Variants in PTPRT observed in about 807,000 individuals in gnomAD.
PTPRT encodes protein tyrosine phosphatase receptor type T.
Under a neutral mutation model 176.8 loss-of-function variants are expected in PTPRT, and 56 were observed. That is an observed-to-expected ratio of 0.32 (90% CI 0.26 to 0.40). The LOEUF is 0.40. PTPRT is among the 10% of genes least tolerant of loss of function. PTPRT has a pLI of 1.00. For synonymous variants in PTPRT, 783 were observed against 739.0 expected, an observed-to-expected ratio of 1.06 and a Z score of -0.96; for missense variants, 1,540 against 1,908.2, an observed-to-expected ratio of 0.81 and a Z score of 3.60.
chr20:42,958,972 ACTGT>A (rs2146035880), intron 1 of PTPRT, among the ~76,000 whole-genome samples: 1 of 152,334 alleles, frequency 6.6e-6, no homozygotes, highest in East Asian at 1.9e-4. Context: ...TAGTATTCCC[ACTGT>A]CTGTCTTAAA....
chr20:42,280,409 G>A (rs1254924777), intron 13 of PTPRT, among the ~76,000 whole-genome samples: 5 of 152,116 alleles, frequency 3.3e-5, no homozygotes, highest in African/African-American at 1.2e-4. Context: ...ATTCCCAAGT[G>A]CTACTGGAGC....
chr20:42,910,913 G>T (rs2079535524), intron 1 of PTPRT, among the ~76,000 whole-genome samples: 1 of 152,150 alleles, frequency 6.6e-6, no homozygotes, highest in Non-Finnish European at 1.5e-5. Flanking sequence ...GGAAGGCAAA[G>T]AGGAAACAAG....
At chr20:42,477,509 C>T (rs1158687639) in intron 7 of PTPRT, among the ~76,000 whole-genome samples, 1 of 152,148 alleles carries the variant, frequency 6.6e-6, no homozygotes, top group African/African-American at 2.4e-5. Context: ...CCTCATCTGC[C>T]AAACCCAGCT....
At chr20:42,108,100 G>GAATC (rs1356237374) in intron 23 of PTPRT, among the ~76,000 whole-genome samples, 16 of 152,098 alleles carry the variant, frequency 1.1e-4, no homozygotes, top group Non-Finnish European at 1.8e-4. Flanking sequence ...TTAGTATAAA[G>GAATC]AATCAGCCCA....
At chr20:42,302,434 T>C (rs1197870505) in intron 12 of PTPRT, among the ~76,000 whole-genome samples, 3 of 152,154 alleles carry the variant, frequency 2.0e-5, no homozygotes, top group African/African-American at 7.2e-5. Context: ...AGGTGCTTCC[T>C]TTGCAAAACA....
In PTPRT at chr20:42,641,413, A is replaced by C. The variant is rs1224315613; in HGVS notation, c.1153+36453T>G. 1.3e-5 allele frequency among the ~76,000 whole-genome samples: 2 copies of C among 152,158 alleles called. 1 individual carries two copies. Among genetic ancestry groups the C allele is most frequent in the Non-Finnish European group, 2.9e-5 (2 of 68,034 alleles). On this transcript the variant is annotated intron_variant, in intron 7 of 30. Transcript: ENST00000373187. The stretch of plus-strand genomic sequence containing the variant: ...ATATATTGAAGAATTATAGGTCTGC[A>C]AGAATTGTCTTTGATGGGGGCTTTA...
chr20:43,117,377 C>A (rs1422718887), intron 1 of PTPRT, among the ~76,000 whole-genome samples: 1 of 152,094 alleles, frequency 6.6e-6, no homozygotes, highest in Non-Finnish European at 1.5e-5. Flanking sequence ...AATGTTTATC[C>A]CATTCCATAA....
At chr20:42,633,564 G>A (rs1020269238) in intron 7 of PTPRT, among the ~76,000 whole-genome samples, 1 of 151,332 alleles carries the variant, frequency 6.6e-6, no homozygotes, top group African/African-American at 2.4e-5. Flanking sequence ...GGGAGGCTGA[G>A]GCAGGAAGAT....
chr20:42,954,548 G>A (rs1981495255), intron 1 of PTPRT, among the ~76,000 whole-genome samples: 1 of 152,174 alleles, frequency 6.6e-6, no homozygotes, highest in Admixed American at 6.5e-5. Flanking sequence ...AGCACAGCAT[G>A]TTATCCACAT....
In PTPRT at chr20:42,761,107, G is replaced by A. The variant is rs147348826; in HGVS notation, c.685-4471C>T. ...TTCTCGAACCATGGTCCCCAGACAGGCTGCACTAACATCCCCTGGGAAATT... is the reference window on the plus strand; with the variant it reads ...TTCTCGAACCATGGTCCCCAGACAGACTGCACTAACATCCCCTGGGAAATT... On this transcript the variant is annotated intron_variant, in intron 5 of 30. Transcript: ENST00000373187. Among the ~76,000 whole-genome samples, 579 of 152,232 alleles carry A rather than the reference G, an allele frequency of 3.8e-3. 5 individuals are homozygous for A. The highest frequency in any genetic ancestry group is 0.013 in the African/African-American group (557 of 41,538).
chr20:42,601,027 T>C (rs1435373260), intron 7 of PTPRT, among the ~76,000 whole-genome samples: 2 of 152,200 alleles, frequency 1.3e-5, no homozygotes, highest in Admixed American at 6.5e-5. Flanking sequence ...TTTATGATTC[T>C]GCATCTCTCA....
intron 1 of PTPRT, among the ~76,000 whole-genome samples, chr20:43,096,585 C>T (rs115672700): frequency 2.8e-3 from 428 of 152,320 alleles, no homozygotes; most frequent in African/African-American, 0.01. Context: ...AGCAGGCTCC[C>T]GCCCCCCATC....
chr20:42,906,341 C>G (rs1220655470), intron 1 of PTPRT, among the ~76,000 whole-genome samples: 1 of 152,180 alleles, frequency 6.6e-6, no homozygotes, highest in Admixed American at 6.5e-5. Context: ...CGCTGAGTGG[C>G]CCGGCTCCAG....
At chr20:42,081,238 G>A (rs1017743767) in intron 30 of PTPRT, among the ~76,000 whole-genome samples, 1 of 152,240 alleles carries the variant, frequency 6.6e-6, no homozygotes, top group Middle Eastern at 3.4e-3. Flanking sequence ...TTTTTAAAAT[G>A]CACATTCTGA....
chr20:42,250,736 C>T (rs903034548), intron 13 of PTPRT, among the ~76,000 whole-genome samples: 1 of 152,220 alleles, frequency 6.6e-6, no homozygotes, highest in African/African-American at 2.4e-5. Context: ...CTTTATTTAT[C>T]CATTCAATCA....
intron 19 of PTPRT, among the ~76,000 whole-genome samples, chr20:42,128,336 A>G (rs116048265): frequency 0.013 from 1,965 of 152,190 alleles, 52 homozygotes; most frequent in African/African-American, 0.044. Context: ...ATTGATGTGC[A>G]CATTATCTCC....
intron 1 of PTPRT, among the ~76,000 whole-genome samples, chr20:43,104,454 A>G (rs887019307): frequency 6.6e-6 from 1 of 152,114 alleles, no homozygotes; most frequent in Non-Finnish European, 1.5e-5. Context: ...TCCAAACCCA[A>G]TATTGCCACT....
chr20:42,387,022 T>C (rs946248183), intron 9 of PTPRT, among the ~76,000 whole-genome samples: 7 of 152,238 alleles, frequency 4.6e-5, no homozygotes, highest in African/African-American at 1.7e-4. Context: ...TCCTCTAAGT[T>C]CCTTTTTTTG....
At chr20:42,501,405 A>C (rs1601139434) in intron 7 of PTPRT, among the ~76,000 whole-genome samples, 1 of 152,296 alleles carries the variant, frequency 6.6e-6, no homozygotes, top group East Asian at 1.9e-4. Context: ...GCTATCATGA[A>C]CGCTACACAT....
Sources: allele counts gnomAD v4.1 joint callset (sites outside exome capture counted in the v4.1 genomes callset), GRCh38; gene constraint gnomAD v4.1.1; transcripts MANE v1.5; gene names NCBI Gene and HGNC (gene_info 2026-07-23, HGNC 2026-07-21).